The following SH3RF3 variants were observed in gnomAD, a reference collection of about 807,000 sequenced individuals.
The protein encoded by SH3RF3 is SH3 domain containing ring finger 3, also known as E3 ubiquitin-protein ligase SH3RF3.
In SH3RF3, 29 loss-of-function variants were observed where a neutral mutation model predicts 66.3. That is an observed-to-expected ratio of 0.44 (90% CI 0.33 to 0.60). The LOEUF is 0.60. Ranked by LOEUF, SH3RF3 falls within the 20% of genes least tolerant of loss-of-function variation. The pLI is 0.04. For missense variants in SH3RF3, 1,194 were observed against 1,190.9 expected, an observed-to-expected ratio of 1.00 and a Z score of -0.04; for synonymous variants, 583 against 532.0, an observed-to-expected ratio of 1.10 and a Z score of -1.32.
intron 1 of SH3RF3, among the ~76,000 whole-genome samples, chr2:109,307,459 C>G (rs1574563713): frequency 6.7e-6 from 1 of 149,682 alleles, no homozygotes; most frequent in African/African-American, 2.5e-5. Context: ...TTTTAGGGTA[C>G]ATGTGCACAT....
At chr2:109,251,442 C>T (rs1177236920) in intron 1 of SH3RF3, 25 of 717,306 alleles carry the variant, frequency 3.5e-5, no homozygotes, top group African/African-American at 1.9e-4. Flanking sequence ...CTCACCCTCC[C>T]GAGTTGAAAA....
At chr2:109,359,513 C>G (rs756183730) in intron 2 of SH3RF3, among the ~76,000 whole-genome samples, 2 of 152,150 alleles carry the variant, frequency 1.3e-5, no homozygotes, top group Non-Finnish European at 2.9e-5. Context: ...TTAAGTATTT[C>G]ATTTGTACCT....
At chr2:109,167,074 G>A (rs1677646389) in intron 1 of SH3RF3, among the ~76,000 whole-genome samples, 1 of 152,196 alleles carries the variant, frequency 6.6e-6, no homozygotes, top group African/African-American at 2.4e-5. Flanking sequence ...AGGCCAGTGG[G>A]AACCCAGAAG....
At chr2:109,390,813 A>C (rs1246693476) in intron 3 of SH3RF3, among the ~76,000 whole-genome samples, 1 of 152,142 alleles carries the variant, frequency 6.6e-6, no homozygotes. Flanking sequence ...CTATGAGATG[A>C]GCCTGGCCCA....
chr2:109,416,971 A>G (rs1676742784), intron 4 of SH3RF3, among the ~76,000 whole-genome samples: 2 of 151,802 alleles, frequency 1.3e-5, no homozygotes, highest in African/African-American at 4.8e-5. Context: ...AGCCCCACAC[A>G]GTCACAGGCC....
chr2:109,470,676 G>T (rs935744636), intron 8 of SH3RF3, among the ~76,000 whole-genome samples: 8 of 152,188 alleles, frequency 5.3e-5, no homozygotes, highest in African/African-American at 1.9e-4. Flanking sequence ...TGCTGTGGCC[G>T]GGGCTGGTGG....
intron 1 of SH3RF3, among the ~76,000 whole-genome samples, chr2:109,295,414 T>G (rs2378313): frequency 0.029 from 4,451 of 152,310 alleles, 223 homozygotes; most frequent in African/African-American, 0.1. Flanking sequence ...GTCTTCAGTG[T>G]CTAAAGAACT....
At chr2:109,468,439 CAAAACGTCCTTA>C (rs1014308003) in intron 8 of SH3RF3, among the ~76,000 whole-genome samples, 2 of 152,316 alleles carry the variant, frequency 1.3e-5, no homozygotes, top group African/African-American at 4.8e-5. Context: ...TGTCATTGAC[CAAAACGTCCTTA>C]TGTAACACAT....
intron 1 of SH3RF3, among the ~76,000 whole-genome samples, chr2:109,266,378 A>C (rs888743688): frequency 6.6e-6 from 1 of 151,834 alleles, no homozygotes; most frequent in African/African-American, 2.4e-5. Context: ...ATCTGACAAG[A>C]GGCTGCCCCA....
chr2:109,199,155 C>T (rs898170996), intron 1 of SH3RF3, among the ~76,000 whole-genome samples: 4 of 151,770 alleles, frequency 2.6e-5, no homozygotes, highest in Non-Finnish European at 5.9e-5. Flanking sequence ...GTCAGGAGAT[C>T]GAGACCATCC....
chr2:109,386,368 C>T (rs1442797173), intron 3 of SH3RF3, among the ~76,000 whole-genome samples: 2 of 151,980 alleles, frequency 1.3e-5, no homozygotes, highest in Non-Finnish European at 2.9e-5. Flanking sequence ...GTACATGAAG[C>T]CAAAAGGACC....
At chr2:109,428,603 G>A (rs989399127) in intron 5 of SH3RF3, among the ~76,000 whole-genome samples, 4 of 152,212 alleles carry the variant, frequency 2.6e-5, no homozygotes, top group African/African-American at 9.6e-5. Flanking sequence ...CTCAAGAGGC[G>A]CTTTTTCTCA....
At chr2:109,149,996 C>T (rs2104866417) in intron 1 of SH3RF3, among the ~76,000 whole-genome samples, 1 of 152,292 alleles carries the variant, frequency 6.6e-6, no homozygotes, top group Middle Eastern at 3.4e-3. Context: ...CCTCCCCAAA[C>T]ACTGATGTCT....
At chr2:109,212,962 T>TG (rs1470490798) in intron 1 of SH3RF3, among the ~76,000 whole-genome samples, 1 of 152,198 alleles carries the variant, frequency 6.6e-6, no homozygotes, top group East Asian at 1.9e-4. Context: ...AAAAGACAGA[T>TG]GCTGCCCACA....
chr2:109,136,730 T>G (rs1240671603), intron 1 of SH3RF3, among the ~76,000 whole-genome samples: 2 of 152,204 alleles, frequency 1.3e-5, no homozygotes, highest in Non-Finnish European at 2.9e-5. Flanking sequence ...TTCCACTTAA[T>G]GTAATGTGTG....
intron 1 of SH3RF3, among the ~76,000 whole-genome samples, chr2:109,303,051 T>A (rs1681507713): frequency 1.3e-5 from 2 of 152,138 alleles, no homozygotes; most frequent in African/African-American, 4.8e-5. Context: ...TAATTTTGTA[T>A]TTTTGGTAGA....
chr2:109,160,693 G>T (rs1044689856), intron 1 of SH3RF3, among the ~76,000 whole-genome samples: 4 of 152,320 alleles, frequency 2.6e-5, no homozygotes, highest in Non-Finnish European at 4.4e-5. Flanking sequence ...ATCTCTGACT[G>T]CAGGGGCTGT....
intron 9 of SH3RF3, among the ~76,000 whole-genome samples, chr2:109,495,577 C>T (rs1027249952): frequency 2.7e-5 from 4 of 149,008 alleles, no homozygotes; most frequent in Non-Finnish European, 4.4e-5. Flanking sequence ...CAACCTCCGC[C>T]TCCCAGATTT....
intron 3 of SH3RF3, among the ~76,000 whole-genome samples, chr2:109,376,959 C>T (rs1574607017): frequency 1.3e-5 from 2 of 152,228 alleles, no homozygotes; most frequent in African/African-American, 2.4e-5. Context: ...AGATGGGGTG[C>T]GGAGCACCTG....
Sources: allele counts gnomAD v4.1 joint callset (sites outside exome capture counted in the v4.1 genomes callset), GRCh38; gene constraint gnomAD v4.1.1; transcripts MANE v1.5; gene names NCBI Gene and HGNC (gene_info 2026-07-23, HGNC 2026-07-21).